Variants in PDZRN4 observed in about 807,000 individuals in gnomAD.
PDZRN4 encodes PDZ domain-containing RING finger protein 4.
PDZRN4 carries 70 observed loss-of-function variants against 99.0 expected under a neutral mutation model. The ratio of observed to expected loss-of-function variants is 0.71; its 90% CI spans 0.58 to 0.86. The LOEUF (loss-of-function observed/expected upper bound fraction) is 0.86. Ranked by LOEUF, PDZRN4 falls within the 40% of genes least tolerant of loss-of-function variation. The pLI, the probability that PDZRN4 is intolerant of heterozygous loss-of-function variation, is 0.00. For synonymous variants in PDZRN4, 551 were observed against 501.6 expected, an observed-to-expected ratio of 1.10 and a Z score of -1.32; for missense variants, 1,474 against 1,331.2, an observed-to-expected ratio of 1.11 and a Z score of -1.67.
intron 3 of PDZRN4, among the ~76,000 whole-genome samples, chr12:41,279,706 T>C (rs934871809): frequency 2.0e-5 from 3 of 152,166 alleles, no homozygotes; most frequent in Admixed American, 2.0e-4. Flanking sequence ...GAAGTACTAA[T>C]GTTTTCAATA....
At chr12:41,289,804 A>T (rs1951445566) in intron 3 of PDZRN4, among the ~76,000 whole-genome samples, 2 of 152,230 alleles carry the variant, frequency 1.3e-5, no homozygotes, top group African/African-American at 4.8e-5. Context: ...TCAAAGACAG[A>T]TGCCTTCTGT....
chr12:41,506,471 C>G lies in PDZRN4; in HGVS notation c.859C>G (p.Leu287Val), dbSNP rs1448746364. ...ATGTTTGTAGGTCAATGGGAAGGAT[C>G]TTTCAAAGGCCACTCATGAAGAGGC... ...DKIMEVNGKD[L>V]SKATHEEAVE... Residue 287 changes from leucine (L) to valine (V), a missense_variant, in exon 4 of 10, where the codon CTT becomes GTT. Physicochemically the swap from Leu to Val is conservative, Grantham distance 32. Transcript: ENST00000402685. 2 of 1,612,086 alleles carry G rather than the reference C, an allele frequency of 1.2e-6. No homozygotes were observed. The highest frequency in any genetic ancestry group is 3.3e-5 in the Admixed American group (2 of 59,878).
chr12:41,433,861 G>C (rs2120446381), intron 3 of PDZRN4, among the ~76,000 whole-genome samples: 1 of 152,270 alleles, frequency 6.6e-6, no homozygotes, highest in Non-Finnish European at 1.5e-5. Context: ...TCTTTTTGAA[G>C]TCTTATTGTT....
intron 3 of PDZRN4, among the ~76,000 whole-genome samples, chr12:41,318,780 T>C (rs1299018876): frequency 6.6e-6 from 1 of 152,110 alleles, no homozygotes; most frequent in African/African-American, 2.4e-5. Context: ...GACAGGAAAA[T>C]AGGAGTAGGA....
chr12:41,542,182 T>G lies in PDZRN4; in HGVS notation c.1204-10474T>G, dbSNP rs145971395. ...TTAACACTCTCTTTTGAAGAGCTAT[T>G]TTCAGTAATTCAAAGGAAAGACAGT... is the stretch of plus-strand genomic sequence containing the variant. On this transcript the variant is annotated intron_variant, in intron 5 of 9. Coordinates refer to ENST00000402685, the MANE Select transcript of PDZRN4 (RefSeq NM_001164595.2). Among the ~76,000 whole-genome samples the G allele has an allele frequency of 1.1e-3, 174 of 152,298 alleles. 1 individual carries two copies. The highest frequency in any genetic ancestry group is 2.0e-3 in the Non-Finnish European group (139 of 68,028).
chr12:41,390,179 C>G (rs147681934), intron 3 of PDZRN4, among the ~76,000 whole-genome samples: 16 of 152,170 alleles, frequency 1.1e-4, no homozygotes, highest in Admixed American at 1.0e-3. Context: ...CACTGATAAT[C>G]TAGCCATTTA....
At chr12:41,462,056 A>G (rs1952878542) in intron 3 of PDZRN4, among the ~76,000 whole-genome samples, 1 of 152,206 alleles carries the variant, frequency 6.6e-6, no homozygotes, top group Non-Finnish European at 1.5e-5. Flanking sequence ...CTCTGATATG[A>G]CTATGCGATA....
intron 3 of PDZRN4, among the ~76,000 whole-genome samples, chr12:41,288,786 A>G (rs916497251): frequency 6.6e-6 from 1 of 152,154 alleles, no homozygotes; most frequent in Non-Finnish European, 1.5e-5. Context: ...TTAGTAGCGA[A>G]TTTAAATTGA....
chr12:41,304,940 A>G (rs138187144), intron 3 of PDZRN4, among the ~76,000 whole-genome samples: 69 of 152,358 alleles, frequency 4.5e-4, no homozygotes, highest in Non-Finnish European at 8.7e-4. Context: ...CAGTATGGGA[A>G]TATGACTATT....
In PDZRN4 at chr12:41,215,370, A is replaced by C. The variant is rs186596974; in HGVS notation, c.843+21182A>C. On this transcript the variant is annotated intron_variant, in intron 3 of 9. Coordinates refer to ENST00000402685, the MANE Select transcript of PDZRN4 (RefSeq NM_001164595.2). ...GTTAAAAACGCAGATTCCAGAGTTC[A>C]ATCCCAGACCTAGTGAAATAATCTC... Among the ~76,000 whole-genome samples, 704 of 152,160 alleles carry C rather than the reference A, an allele frequency of 4.6e-3. 6 individuals carry two copies. The highest frequency in any genetic ancestry group is 6.8e-3 in the Middle Eastern group (2 of 294).
intron 3 of PDZRN4, among the ~76,000 whole-genome samples, chr12:41,487,600 A>T (rs1231280103): frequency 6.6e-6 from 1 of 152,244 alleles, no homozygotes; most frequent in Non-Finnish European, 1.5e-5. Flanking sequence ...TTAGCTAATT[A>T]TGCAAAGTGT....
At chr12:41,289,529 G>A (rs1463265943) in intron 3 of PDZRN4, among the ~76,000 whole-genome samples, 2 of 152,166 alleles carry the variant, frequency 1.3e-5, no homozygotes, top group African/African-American at 4.8e-5. Context: ...CACAACAGCT[G>A]AGCTGCATGA....
chr12:41,220,532 C>T (rs146427689), intron 3 of PDZRN4, among the ~76,000 whole-genome samples: 7 of 152,218 alleles, frequency 4.6e-5, no homozygotes, highest in East Asian at 3.9e-4. Flanking sequence ...AGAGGAAGGA[C>T]CTGCCATCAA....
intron 3 of PDZRN4, among the ~76,000 whole-genome samples, chr12:41,472,138 G>A (rs985381846): frequency 6.6e-6 from 1 of 151,928 alleles, no homozygotes; most frequent in African/African-American, 2.4e-5. Flanking sequence ...CGAGTAGCTG[G>A]GATTACAGGC....
chr12:41,556,629 A>G (rs1239055313), intron 7 of PDZRN4, among the ~76,000 whole-genome samples: 1 of 152,212 alleles, frequency 6.6e-6, no homozygotes, highest in Non-Finnish European at 1.5e-5. Flanking sequence ...TTTACCAATG[A>G]GTTGCTGGGA....
chr12:41,415,356 T>C (rs1406309047), intron 3 of PDZRN4, among the ~76,000 whole-genome samples: 1 of 148,786 alleles, frequency 6.7e-6, no homozygotes, highest in Non-Finnish European at 1.5e-5. Flanking sequence ...ATGTGTAATA[T>C]ATAATATATG....
chr12:41,332,412 G>A (rs570953041), intron 3 of PDZRN4, among the ~76,000 whole-genome samples: 1 of 152,162 alleles, frequency 6.6e-6, no homozygotes, highest in African/African-American at 2.4e-5. Context: ...ATCAAGAAGA[G>A]AGGAGAGGAA....
rs1174274106 is a variant in PDZRN4 at position 41,346,785 on chromosome 12, A to G, written c.843+152597A>G. Among the ~76,000 whole-genome samples, 7 of 152,218 alleles carry G rather than the reference A, an allele frequency of 4.6e-5. No individual in the cohort carries two copies. The East Asian group carries it at 1.4e-3, about 29-fold the overall frequency. Reference sequence around the variant, plus strand: ...GTTTTAGGACATTTTTGTCCTTCCTAAAGAAACCCCATACTATTAGCTGTC... The same window carrying G: ...GTTTTAGGACATTTTTGTCCTTCCTGAAGAAACCCCATACTATTAGCTGTC... On this transcript the variant is annotated intron_variant, in intron 3 of 9. Transcript: ENST00000402685.
chr12:41,419,091 T>C (rs1952469931), intron 3 of PDZRN4, among the ~76,000 whole-genome samples: 1 of 152,220 alleles, frequency 6.6e-6, no homozygotes, highest in African/African-American at 2.4e-5. Flanking sequence ...AAATCCTTTG[T>C]TAAATGGACT....
Sources: gnomAD v4.1 joint callset for allele counts (sites outside exome capture counted in the v4.1 genomes callset) on GRCh38, gnomAD v4.1.1 for gene constraint, MANE v1.5 for transcripts, NCBI Gene and HGNC (gene_info 2026-07-23, HGNC 2026-07-21) for gene names.